Variants in KCNQ1 observed in about 807,000 individuals in gnomAD.
KCNQ1 encodes the protein potassium voltage-gated channel subfamily KQT member 1.
Under a neutral mutation model 72.4 loss-of-function variants are expected in KCNQ1, and 49 were observed. That is an observed-to-expected ratio of 0.68 (90% CI 0.54 to 0.86). KCNQ1 has a LOEUF of 0.86. KCNQ1 is among the 40% of genes least tolerant of loss of function. The pLI is 0.00. For missense variants in KCNQ1, 790 were observed against 945.1 expected, an observed-to-expected ratio of 0.84 and a Z score of 2.15; for synonymous variants, 450 against 412.6, an observed-to-expected ratio of 1.09 and a Z score of -1.10.
chr11:2,812,356 C>T (rs1245728950), intron 15 of KCNQ1, among the ~76,000 whole-genome samples: 1 of 152,080 alleles, frequency 6.6e-6, no homozygotes, highest in African/African-American at 2.4e-5. Context: ...CTCCCTGAGA[C>T]CTGGGACGCC....
chr11:2,630,651 GC>G (rs757445261), intron 10 of KCNQ1: 103 of 398,192 alleles, frequency 2.6e-4, no homozygotes, highest in Non-Finnish European at 4.2e-4. Flanking sequence ...TTCTTAAGTT[GC>G]CCGTATATTT....
chr11:2,665,981 A>T (rs568711226), intron 11 of KCNQ1: 1 of 398,664 alleles, frequency 2.5e-6, no homozygotes, highest in South Asian at 1.3e-4. Context: ...CTGCCAAGCC[A>T]GCCAGGACTG....
rs568538437 is a variant in KCNQ1, at chr11:2,566,247, G to A, written c.478-4381G>A. ...CCTTTGGCCTGCACCCACTCATCTGGCAGTAACAGGGCCACTTCCAGAACC... is the reference window on the plus strand; with the variant it reads ...CCTTTGGCCTGCACCCACTCATCTGACAGTAACAGGGCCACTTCCAGAACC... On this transcript the variant is annotated intron_variant, in intron 2 of 15. Transcript: ENST00000155840. This position sits in a 1 kb window ranked among gnomAD's most constrained non-coding sequence, Gnocchi z 6.7. Among the ~76,000 whole-genome samples the A allele has an allele frequency of 1.3e-5, 2 of 152,300 alleles. No individual in the cohort carries two copies. Among genetic ancestry groups the A allele is most frequent in the South Asian group, 4.1e-4 (2 of 4,824 alleles).
Position 2,674,261 on chromosome 11 carries a change from GC to G in KCNQ1, c.1514+12185del. On this transcript the variant is annotated intron_variant, in intron 11 of 15. Coordinates refer to ENST00000155840, the MANE Select transcript of KCNQ1 (RefSeq NM_000218.3). The surrounding 1 kb of genome is among the most constrained non-coding windows in gnomAD (Gnocchi z 5.9). Reference sequence around the variant, plus strand: ...CAGAGCTGGAGGCCCCTCTCTCCCAGCCCCCGGCACACACACTAGGACCTTT... The same window carrying G: ...CAGAGCTGGAGGCCCCTCTCTCCCAGCCCCGGCACACACACTAGGACCTTT... 2.5e-6 allele frequency: 1 copy of G among 398,660 alleles called. No homozygotes were observed. The highest frequency in any genetic ancestry group is 4.4e-6 in the Non-Finnish European group (1 of 226,122). 24.7% of individuals were successfully genotyped at this position (398,660 alleles called of 1,614,324 possible). A position where few individuals can be genotyped will look rare whatever the true frequency, so the allele number is the denominator to read the frequency against.
intron 11 of KCNQ1, chr11:2,684,572 T>C (rs1302231100): frequency 5.0e-6 from 2 of 398,578 alleles, no homozygotes; most frequent in East Asian, 7.1e-5. Flanking sequence ...TAAATGACTT[T>C]CTGGCAGAGG....
intron 10 of KCNQ1, among the ~76,000 whole-genome samples, chr11:2,597,606 A>G (rs1848750665): frequency 6.6e-6 from 1 of 152,354 alleles, no homozygotes; most frequent in African/African-American, 2.4e-5. Flanking sequence ...ACAATGGTTT[A>G]CAAAACAAAG....
At chr11:2,779,476 C>T (rs1344756033) in intron 15 of KCNQ1, among the ~76,000 whole-genome samples, 2 of 152,166 alleles carry the variant, frequency 1.3e-5, no homozygotes, top group African/African-American at 4.8e-5. Flanking sequence ...CGGCTGCAGC[C>T]AGGCAGGCGG....
intron 11 of KCNQ1, among the ~76,000 whole-genome samples, chr11:2,741,535 C>G (rs776604196): frequency 2.0e-5 from 3 of 152,174 alleles, no homozygotes; most frequent in Non-Finnish European, 4.4e-5. Context: ...TACAGCCTAT[C>G]CCCTACCCAG....
Position 2,609,892 on chromosome 11 carries a change from GT to G in KCNQ1, c.1393+21040del, listed in dbSNP as rs1489441610. 1.5e-5 allele frequency: 6 copies of G among 397,812 alleles called. No individual in the cohort carries two copies. In the East Asian group the frequency reaches 2.1e-4, roughly 14 times the overall value. The allele number at this position is 397,812 out of a possible 1,614,324, so 24.6% of individuals were successfully genotyped here. A position where few individuals can be genotyped will look rare whatever the true frequency, so the allele number is the denominator to read the frequency against. On this transcript the variant is annotated intron_variant, in intron 10 of 15. Transcript: ENST00000155840. ...ATCTTTTTCCATCCTTTTACTTTCA[GT>G]TGGCATTTATCATCTAAAGTGTGCC...
chr11:2,478,698 T>A lies in KCNQ1; in HGVS notation c.386+33214T>A, dbSNP rs1846609841. Among the ~76,000 whole-genome samples the A allele has an allele frequency of 6.6e-6, 1 of 152,056 alleles. No homozygotes were observed. Among genetic ancestry groups the A allele is most frequent in the Admixed American group, 6.5e-5 (1 of 15,272 alleles). On this transcript the variant is annotated intron_variant, in intron 1 of 15. Coordinates refer to ENST00000155840, the MANE Select transcript of KCNQ1 (RefSeq NM_000218.3). The surrounding 1 kb of genome is among the most constrained non-coding windows in gnomAD (Gnocchi z 4.0). ...GTGGGGACACAGCCAAACCATATCA[T>A]TCCACCCCGGCCCCTCCCTAATCTC...
At chr11:2,660,713 G>A in intron 10 of KCNQ1, 1 of 398,562 alleles carries the variant, frequency 2.5e-6, no homozygotes, top group African/African-American at 2.1e-5. Flanking sequence ...CCTTCATTCG[G>A]GCTTCATTCA....
At chr11:2,739,423 C>T (rs1434842203) in intron 11 of KCNQ1, among the ~76,000 whole-genome samples, 1 of 152,224 alleles carries the variant, frequency 6.6e-6, no homozygotes, top group Non-Finnish European at 1.5e-5. Context: ...GTCACAGCCC[C>T]ATCAAAGGTC....
intron 1 of KCNQ1, among the ~76,000 whole-genome samples, chr11:2,500,977 C>T (rs1847000867): frequency 6.6e-6 from 1 of 152,058 alleles, no homozygotes; most frequent in Admixed American, 6.6e-5. Flanking sequence ...GCCTATGTAA[C>T]AAAACTGCAT....
intron 1 of KCNQ1, among the ~76,000 whole-genome samples, chr11:2,445,766 AG>A (rs778110769): frequency 1.4e-4 from 22 of 152,062 alleles, no homozygotes; most frequent in Admixed American, 1.3e-4. Flanking sequence ...CACCTCCGGG[AG>A]GGTAGTCCAG....
chr11:2,793,737 A>G (rs1466104384), intron 15 of KCNQ1, among the ~76,000 whole-genome samples: 8 of 152,238 alleles, frequency 5.3e-5, no homozygotes, highest in Admixed American at 5.2e-4. Context: ...CTTCTGAAGC[A>G]CTGTGGGCAT....
chr11:2,501,151 C>T (rs1847003182), intron 1 of KCNQ1, among the ~76,000 whole-genome samples: 2 of 151,750 alleles, frequency 1.3e-5, no homozygotes, highest in Middle Eastern at 3.4e-3. Context: ...AGTAAGTCAA[C>T]CTAAAATTAG....
At position 2,457,627 on chromosome 11, in the gene KCNQ1, G is replaced by C. The variant is rs939909646; in HGVS notation, c.386+12143G>C. On this transcript the variant is annotated intron_variant, in intron 1 of 15. Coordinates refer to ENST00000155840, the MANE Select transcript of KCNQ1 (RefSeq NM_000218.3). This position sits in a 1 kb window ranked among gnomAD's most constrained non-coding sequence, Gnocchi z 5.0. ...ACAAGAGACACTGGGGAATACAAGA[G>C]TGGGGAGGGGGGAAGGGGAGCAAGG... 1.3e-5 allele frequency among the ~76,000 whole-genome samples: 2 copies of C among 151,986 alleles called. No individual in the cohort carries two copies. Among genetic ancestry groups the C allele is most frequent in the African/African-American group, 4.8e-5 (2 of 41,286 alleles).
chr11:2,842,693 TC>T (rs1848238074), intron 15 of KCNQ1, among the ~76,000 whole-genome samples: 1 of 152,190 alleles, frequency 6.6e-6, no homozygotes. Flanking sequence ...CTAGCATGCC[TC>T]CCGTGTGCAC....
rs1463399169 is a variant in KCNQ1, at chr11:2,642,289, A to T, written c.1394-19672A>T. The T allele has an allele frequency of 2.5e-6, 1 of 398,230 alleles. No homozygotes were observed. The highest frequency in any genetic ancestry group is 4.4e-6 in the Non-Finnish European group (1 of 225,846). The allele number at this position is 398,230 out of a possible 1,614,324, so 24.7% of individuals were successfully genotyped here. A position where few individuals can be genotyped will look rare whatever the true frequency, so the allele number is the denominator to read the frequency against. On this transcript the variant is annotated intron_variant, in intron 10 of 15. Coordinates refer to ENST00000155840, the MANE Select transcript of KCNQ1 (RefSeq NM_000218.3). The surrounding 1 kb of genome is among the most constrained non-coding windows in gnomAD (Gnocchi z 4.3). ...TTGTGTGTTCTTTTCAATTTCTTTC[A>T]TCAGACTTTTGTAGTTTTCCTTGTT...
Sources: gnomAD v4.1 joint callset for allele counts (sites outside exome capture counted in the v4.1 genomes callset) on GRCh38, gnomAD v4.1.1 for gene constraint, Gnocchi (gnomAD v3.1) non-coding constraint, MANE v1.5 for transcripts, NCBI Gene and HGNC (gene_info 2026-07-23, HGNC 2026-07-21) for gene names.